The following SDE2 variants were observed in gnomAD, a reference collection of about 807,000 sequenced individuals.
SDE2 encodes splicing regulator SDE2.
A neutral mutation model predicts 46.9 loss-of-function variants in SDE2; 31 were observed. The ratio of observed to expected loss-of-function variants is 0.66; its 90% CI spans 0.50 to 0.89. The LOEUF is 0.89. SDE2 is among the 40% of genes least tolerant of loss of function. SDE2 has a pLI of 0.00. For synonymous variants in SDE2, 205 were observed against 204.3 expected (o/e 1.00, Z -0.03); for missense variants, 542 against 564.4 (o/e 0.96, Z 0.40).
intron 5 of SDE2, among the ~76,000 whole-genome samples, chr1:225,989,305 AAAAATAAT>A: frequency 8.7e-6 from 1 of 115,334 alleles, no homozygotes; most frequent in Non-Finnish European, 1.8e-5. Flanking sequence ...AAAAAAAAAA[AAAAATAAT>A]AATAATAATA....
chr1:225,992,591 A>G (rs375404048), intron 3 of SDE2, 24 bp from the exon 4 acceptor site: 87 of 1,483,818 alleles, frequency 5.9e-5, no homozygotes, highest in Non-Finnish European at 8.0e-5. Context: ...AGGAAGAGAT[A>G]TAACTGAATA....
chr1:225,987,728 TA>T (rs1656297347), intron 6 of SDE2, among the ~76,000 whole-genome samples, 167 bp downstream of exon 6: 1 of 152,272 alleles, frequency 6.6e-6, no homozygotes, highest in East Asian at 1.9e-4. Flanking sequence ...TGCCAGAACT[TA>T]AAAAGTTTTT....
intron 1 of SDE2, among the ~76,000 whole-genome samples, chr1:225,998,629 A>C (rs1326835075): frequency 6.6e-6 from 1 of 152,214 alleles, no homozygotes; most frequent in African/African-American, 2.4e-5. Flanking sequence ...GAGACCATCA[A>C]ATTAATAGTG....
Position 225,992,329 on chromosome 1 carries a change from G to A in SDE2, c.520+69C>T, listed in dbSNP as rs74148411. 2,256 of 1,133,270 alleles carry A rather than the reference G, an allele frequency of 2.0e-3. 35 individuals are homozygous for A. The African/African-American group carries it at 0.03, about 15-fold the overall frequency. 70.2% of individuals were successfully genotyped at this position (1,133,270 alleles called of 1,614,324 possible). A position where few individuals can be genotyped will look rare whatever the true frequency, so the allele number is the denominator to read the frequency against. ...GCTTAAGAACTGCTCTTTGTGCGTA[G>A]TGTAGAGCAGTCTGAACAGCTGGCT... On this transcript the variant is annotated intron_variant, in intron 4 of 6. Coordinates refer to ENST00000272091, the MANE Select transcript of SDE2 (RefSeq NM_152608.4).
chr1:225,997,905 C>T (rs1471157356), intron 1 of SDE2, among the ~76,000 whole-genome samples: 1 of 151,954 alleles, frequency 6.6e-6, no homozygotes, highest in Non-Finnish European at 1.5e-5. Flanking sequence ...CTGAGGTGGG[C>T]GGATCACCCG....
At chr1:225,992,211 T>G (rs1307049282) in intron 4 of SDE2, among the ~76,000 whole-genome samples, 187 bp downstream of exon 4, 2 of 152,104 alleles carry the variant, frequency 1.3e-5, no homozygotes, top group African/African-American at 4.8e-5. Flanking sequence ...ATGTTGTATA[T>G]GTGTTCTTTT....
chr1:225,993,111 C>T lies in SDE2; in HGVS notation c.239-109G>A, dbSNP rs528956846. On this transcript the variant is annotated intron_variant, in intron 2 of 6. Coordinates refer to ENST00000272091, the MANE Select transcript of SDE2 (RefSeq NM_152608.4). ...CAAGATTAACAATGATCTCTACTTT[C>T]TTTCTTTTTTTTTTTTTTTAAGAAA... The T allele has an allele frequency of 5.9e-4, 183 of 311,608 alleles. 3 individuals are homozygous for T. The African/African-American group carries it at 6.4e-3, about 11-fold the overall frequency. The allele number at this position is 311,608 out of a possible 1,614,324, so 19.3% of individuals were successfully genotyped here.
intron 4 of SDE2, 99 bp from the exon 5 acceptor site, chr1:225,991,462 CCAGATTTAAA>C: frequency 1.2e-6 from 1 of 864,954 alleles, no homozygotes; most frequent in Non-Finnish European, 1.8e-6. Context: ...ATCTACAGCT[CCAGATTTAAA>C]TTTCTTAAGA....
rs772298701 is a variant in SDE2 at position 225,988,146 on chromosome 1, T to G, written c.884A>C (p.Glu295Ala). 1 of 1,614,194 alleles carries G rather than the reference T, an allele frequency of 6.2e-7. No homozygotes were observed. Among genetic ancestry groups the G allele is most frequent in the Admixed American group, 1.7e-5 (1 of 60,012 alleles). ...CTCCCCCAGCTCAGCACATGAGTCT[T>G]CTAAAATATGCCTCCCAGAGTCAGT... ...PVTDSGRHIL[E>A]DSCAELGESK... Residue 295 changes from glutamate to alanine, a missense_variant, in exon 6 of 7, where the codon GAA becomes GCA. Physicochemically the swap from Glu to Ala is moderately radical, Grantham distance 107. Coordinates refer to ENST00000272091, the MANE Select transcript of SDE2 (RefSeq NM_152608.4).
chr1:225,999,118 G>T, intron 1 of SDE2, 75 bp downstream of exon 1: 1 of 1,223,862 alleles, frequency 8.2e-7, no homozygotes, highest in Non-Finnish European at 1.2e-6. Flanking sequence ...CCCCGCCCCG[G>T]ACAGACCTAC....
At chr1:225,994,095 T>G (rs1000195235) in intron 2 of SDE2, among the ~76,000 whole-genome samples, 2 of 151,586 alleles carry the variant, frequency 1.3e-5, no homozygotes, top group Non-Finnish European at 1.5e-5. Context: ...TTTTTTTTTT[T>G]TGAGAGAGTC....
chr1:225,990,104 AC>A (rs1347346821), intron 5 of SDE2, among the ~76,000 whole-genome samples: 1 of 151,870 alleles, frequency 6.6e-6, no homozygotes, highest in African/African-American at 2.4e-5. Flanking sequence ...CACAAAAAAA[AC>A]ACCCATGCTT....
chr1:225,998,337 T>G (rs987287291), intron 1 of SDE2, among the ~76,000 whole-genome samples: 2 of 152,198 alleles, frequency 1.3e-5, no homozygotes, highest in African/African-American at 4.8e-5. Context: ...CCAAGTCTCT[T>G]AAAATTTTGG....
At position 225,988,144 on chromosome 1, in the gene SDE2, C is replaced by A. The variant is rs61998244; in HGVS notation, c.886G>T (p.Asp296Tyr). The A allele has an allele frequency of 5.6e-6, 9 of 1,614,206 alleles. No individual in the cohort carries two copies. Among genetic ancestry groups the A allele is most frequent in the Non-Finnish European group, 7.6e-6 (9 of 1,180,038 alleles). Residue 296 changes from aspartate (D) to tyrosine (Y), a missense_variant, in exon 6 of 7, where the codon GAC (aspartate) becomes TAC (tyrosine). Around this residue, in one of 3 missense-constraint regions of SDE2, gnomAD observed 401 missense variants for 437.8 expected, o/e 0.92. Transcript: ENST00000272091. ...VTDSGRHILE[D>Y]SCAELGESKE... ...GACTCCCCCAGCTCAGCACATGAGTCTTCTAAAATATGCCTCCCAGAGTCA... is the reference window on the plus strand; with the variant it reads ...GACTCCCCCAGCTCAGCACATGAGTATTCTAAAATATGCCTCCCAGAGTCA...
intron 5 of SDE2, among the ~76,000 whole-genome samples, chr1:225,989,988 T>C (rs1656362090): frequency 1.3e-5 from 2 of 150,918 alleles, no homozygotes; most frequent in Non-Finnish European, 2.9e-5. Flanking sequence ...GATGGGAAGA[T>C]AGCTTAAACC....
At chr1:225,993,602 G>C (rs376583260) in intron 2 of SDE2, among the ~76,000 whole-genome samples, 2 of 150,718 alleles carry the variant, frequency 1.3e-5, no homozygotes, top group East Asian at 3.9e-4. Flanking sequence ...ACAGAGCCAG[G>C]CTCTGTCTCA....
Position 225,984,624 on chromosome 1 carries a change from C to T in SDE2, c.*678G>A, listed in dbSNP as rs964679651. On this transcript the variant is annotated 3_prime_UTR_variant, in exon 7 of 7. Transcript: ENST00000272091. ...AAGAGATCGAGACCATCCTGGCTAA[C>T]ACAGTGAAACCCAGTCTCCACTAAA... 6.6e-6 allele frequency: 1 copy of T among 152,146 alleles called. No homozygotes were observed. Among genetic ancestry groups the T allele is most frequent in the Non-Finnish European group, 1.5e-5 (1 of 68,072 alleles). 9.4% of individuals were successfully genotyped at this position (152,146 alleles called of 1,614,324 possible). A position where few individuals can be genotyped will look rare whatever the true frequency, so the allele number is the denominator to read the frequency against.
intron 6 of SDE2, among the ~76,000 whole-genome samples, chr1:225,986,952 T>C (rs1475584460): frequency 1.3e-5 from 2 of 152,220 alleles, no homozygotes; most frequent in African/African-American, 2.4e-5. Context: ...AAGCAAACCA[T>C]TAGATCAAAG....
chr1:225,991,129 T>C, intron 5 of SDE2, 114 bp downstream of exon 5: 1 of 1,001,648 alleles, frequency 1.0e-6, no homozygotes, highest in South Asian at 1.7e-5. Context: ...CTCTGGAAAT[T>C]TTCTGAGCTC....
Sources: gnomAD v4.1 joint callset for allele counts (sites outside exome capture counted in the v4.1 genomes callset) on GRCh38, gnomAD v4.1.1 for gene constraint, gnomAD v4.1.1 regional missense constraint, MANE v1.5 for transcripts, NCBI Gene and HGNC (gene_info 2026-07-23, HGNC 2026-07-21) for gene names.